The following IL6R variants were observed in gnomAD, a reference collection of about 807,000 sequenced individuals.
The protein encoded by IL6R is interleukin-6 receptor subunit alpha.
In IL6R, 38 loss-of-function variants were observed where a neutral mutation model predicts 48.3. The ratio of observed to expected loss-of-function variants is 0.79; its 90% CI spans 0.61 to 1.03. The LOEUF (loss-of-function observed/expected upper bound fraction) is 1.03. Ranked by LOEUF, IL6R falls within the 50% of genes least tolerant of loss-of-function variation. The probability of loss-of-function intolerance (pLI) is 0.00; values close to 1 mark genes in which losing one functional copy is unlikely to be tolerated. For missense variants in IL6R, 534 were observed against 618.3 expected (o/e 0.86, Z 1.45); for synonymous variants, 264 against 256.2 (o/e 1.03, Z -0.29).
At position 154,405,945 on chromosome 1, in the gene IL6R, G is replaced by A. The variant is rs1687686378; in HGVS notation, c.85+231G>A. Among the ~76,000 whole-genome samples the A allele has an allele frequency of 6.6e-6, 1 of 152,172 alleles. No homozygotes were observed. The highest frequency in any genetic ancestry group is 2.4e-5 in the African/African-American group (1 of 41,444). On this transcript the variant is annotated intron_variant, in intron 1 of 9. Coordinates refer to ENST00000368485, the MANE Select transcript of IL6R (RefSeq NM_000565.4). This position sits in a 1 kb window ranked among gnomAD's most constrained non-coding sequence, Gnocchi z 5.2. ...GTCCGGAGCGCTCCCCGGAATGCCC[G>A]GTGAAGCTGTGCGGGAACCCTGCGG...
At chr1:154,464,140 T>A (rs1029170701) in intron 9 of IL6R, among the ~76,000 whole-genome samples, 1 of 146,724 alleles carries the variant, frequency 6.8e-6, no homozygotes, top group Non-Finnish European at 1.5e-5. Flanking sequence ...TTTCTTTTTT[T>A]ATTTTCTTTC....
intron 5 of IL6R, 70 bp downstream of exon 5, chr1:154,435,226 G>A (rs1313447484): frequency 1.4e-6 from 2 of 1,480,120 alleles, no homozygotes; most frequent in Admixed American, 3.5e-5. Flanking sequence ...AAGGGTACTA[G>A]AGGCCAGGCA....
At chr1:154,425,409 G>A (rs1321484421) in intron 1 of IL6R, among the ~76,000 whole-genome samples, 1 of 152,186 alleles carries the variant, frequency 6.6e-6, no homozygotes, top group African/African-American at 2.4e-5. Flanking sequence ...CTCAGTGAGA[G>A]AATGATAGGG....
At chr1:154,443,263 G>T (rs1010521567) in intron 6 of IL6R, among the ~76,000 whole-genome samples, 2 of 152,234 alleles carry the variant, frequency 1.3e-5, no homozygotes, top group South Asian at 2.1e-4. Context: ...GGCGGTCAGT[G>T]CCTCCAGCTA....
chr1:154,444,018 A>G (rs1040496353), intron 6 of IL6R, among the ~76,000 whole-genome samples: 1 of 151,916 alleles, frequency 6.6e-6, no homozygotes, highest in African/African-American at 2.4e-5. Flanking sequence ...CCACATCTCA[A>G]TAGCATCTAG....
intron 1 of IL6R, among the ~76,000 whole-genome samples, chr1:154,418,067 A>G (rs1688454188): frequency 6.6e-6 from 1 of 151,552 alleles, no homozygotes; most frequent in South Asian, 2.1e-4. Context: ...ATGGGGTTTC[A>G]CCATTTTGGC....
In IL6R at chr1:154,430,547, G is replaced by A. The variant is rs1689235869; in HGVS notation, c.399G>A (p.Glu133=). 5.0e-6 allele frequency: 8 copies of A among 1,614,052 alleles called. No homozygotes were observed. The highest frequency in any genetic ancestry group is 6.8e-6 in the Non-Finnish European group (8 of 1,179,996). The change falls in exon 3 of 10, where the codon GAG becomes GAA. Residue 133 remains glutamate (E), a synonymous_variant. Transcript: ENST00000368485. ...GCCCCCTCAGCAATGTTGTTTGTGA[G>A]TGGGGTCCTCGGAGCACCCCATCCC... is the stretch of plus-strand genomic sequence containing the variant. ...RKSPLSNVVC[E]WGPRSTPSLT...
chr1:154,444,875 C>G (rs1021664917), intron 6 of IL6R, among the ~76,000 whole-genome samples: 1 of 152,152 alleles, frequency 6.6e-6, no homozygotes, highest in Admixed American at 6.5e-5. Flanking sequence ...TGCACTCCAG[C>G]CTGGGCAACA....
intron 6 of IL6R, among the ~76,000 whole-genome samples, chr1:154,445,654 G>A (rs1217595647): frequency 1.3e-5 from 2 of 151,876 alleles, no homozygotes. Flanking sequence ...GGAGGCTGAG[G>A]CAGGAGAATG....
At chr1:154,433,426 C>G (rs1689420122) in intron 3 of IL6R, among the ~76,000 whole-genome samples, 1 of 152,252 alleles carries the variant, frequency 6.6e-6, no homozygotes, top group African/African-American at 2.4e-5. Context: ...CAGAACCCCT[C>G]TAGCACTTTT....
At chr1:154,426,393 T>G (rs1470542585) in intron 1 of IL6R, among the ~76,000 whole-genome samples, 1 of 151,726 alleles carries the variant, frequency 6.6e-6, no homozygotes, top group Non-Finnish European at 1.5e-5. Flanking sequence ...TGGTGGTGTG[T>G]GCCTGTAGTC....
intron 1 of IL6R, among the ~76,000 whole-genome samples, chr1:154,419,836 G>GTTTT (rs1688549185): frequency 6.6e-6 from 1 of 152,228 alleles, no homozygotes. Context: ...CTTGAAGAGG[G>GTTTT]GGAAAAAGTA....
intron 1 of IL6R, among the ~76,000 whole-genome samples, chr1:154,416,283 C>A (rs974977901): frequency 6.6e-6 from 1 of 151,756 alleles, no homozygotes; most frequent in African/African-American, 2.4e-5. Flanking sequence ...GTGCATGACA[C>A]CATGACTGGC....
At chr1:154,426,504 G>C (rs573734315) in intron 1 of IL6R, among the ~76,000 whole-genome samples, 1 of 142,704 alleles carries the variant, frequency 7.0e-6, no homozygotes, top group African/African-American at 2.6e-5. Flanking sequence ...CTGGGTGATA[G>C]AGCGAGATTC....
intron 1 of IL6R, chr1:154,418,472 G>A: frequency 1.1e-6 from 1 of 929,324 alleles, no homozygotes; most frequent in Non-Finnish European, 1.3e-6. Context: ...GGTACAAGAA[G>A]TACAAATACA....
intron 8 of IL6R, among the ~76,000 whole-genome samples, chr1:154,451,780 C>G (rs1690596358): frequency 6.6e-6 from 1 of 152,042 alleles, no homozygotes; most frequent in Non-Finnish European, 1.5e-5. Context: ...AGGTGATCTG[C>G]CTGCCTCGGT....
chr1:154,465,626 A>G lies in IL6R; in HGVS notation c.*246A>G. 1 of 538,104 alleles carries G rather than the reference A, an allele frequency of 1.9e-6. No individual in the cohort carries two copies. The highest frequency in any genetic ancestry group is 3.4e-6 in the Non-Finnish European group (1 of 297,852). 33.3% of individuals were successfully genotyped at this position (538,104 alleles called of 1,614,324 possible). A position where few individuals can be genotyped will look rare whatever the true frequency, so the allele number is the denominator to read the frequency against. ...AAAGGGGCTAGAGTGAACTTGGGCC[A>G]CTGTGAAGAGAACCATATCAAGACT... On this transcript the variant is annotated 3_prime_UTR_variant, in exon 10 of 10. Coordinates refer to ENST00000368485, the MANE Select transcript of IL6R (RefSeq NM_000565.4).
Position 154,431,362 on chromosome 1 carries a change from A to T in IL6R, c.458+756A>T, listed in dbSNP as rs1332538262. ...TACAATTGAGTTTGAGCTGTCAGTCATCAGAATATAGGGCAAGGAGGTCGC... is the reference window on the plus strand; with the variant it reads ...TACAATTGAGTTTGAGCTGTCAGTCTTCAGAATATAGGGCAAGGAGGTCGC... On this transcript the variant is annotated intron_variant, in intron 3 of 9. Transcript: ENST00000368485. Among the ~76,000 whole-genome samples, 46 of 152,336 alleles carry T rather than the reference A, an allele frequency of 3.0e-4. 1 individual carries two copies. The highest frequency in any genetic ancestry group is 1.0e-4 in the Non-Finnish European group (7 of 68,036).
chr1:154,406,599 A>C (rs1687732096), intron 1 of IL6R: 1 of 152,234 alleles, frequency 6.6e-6, no homozygotes, highest in Admixed American at 6.6e-5. Context: ...ACACAGCAGA[A>C]AACTAAGGGG....
Sources: allele counts gnomAD v4.1 joint callset (sites outside exome capture counted in the v4.1 genomes callset), GRCh38; gene constraint gnomAD v4.1.1; non-coding constraint Gnocchi (gnomAD v3.1); transcripts MANE v1.5; gene names NCBI Gene and HGNC (gene_info 2026-07-23, HGNC 2026-07-21).